Variants in MTBP observed in about 807,000 individuals in gnomAD.
MTBP encodes MDM2 binding protein.
A neutral mutation model predicts 117.0 loss-of-function variants in MTBP; 101 were observed. The observed-to-expected ratio is 0.86, with a 90% CI of 0.73 to 1.02. The LOEUF is 1.02. Ranked by LOEUF, MTBP falls within the 50% of genes least tolerant of loss-of-function variation. The pLI is 0.00. For missense variants in MTBP, 970 were observed against 1,030.9 expected, an observed-to-expected ratio of 0.94 and a Z score of 0.81; for synonymous variants, 350 against 351.5, an observed-to-expected ratio of 1.00 and a Z score of 0.05.
intron 20 of MTBP, among the ~76,000 whole-genome samples, chr8:120,519,804 G>T (rs1031236486): frequency 6.6e-6 from 1 of 152,068 alleles, no homozygotes; most frequent in Non-Finnish European, 1.5e-5. Context: ...GAGGGTCCAT[G>T]TAGAAAGCAG....
At position 120,506,709 on chromosome 8, in the gene MTBP, T is replaced by C. The variant is rs750733443; in HGVS notation, c.1731T>C (p.Thr577=). ...CTGCATAACATTATTTTCCCAGAACTGGTTCATTACCTCATTCATCTGAAC... is the reference window on the plus strand; with the variant it reads ...CTGCATAACATTATTTTCCCAGAACCGGTTCATTACCTCATTCATCTGAAC... ...TFEKTKQKMR[T]GSLPHSSEQL... is the part of the protein sequence containing the mutation. Residue 577 remains threonine (T), a synonymous_variant, in exon 16 of 22, where the codon ACT becomes ACC. Coordinates refer to ENST00000305949, the MANE Select transcript of MTBP (RefSeq NM_022045.5). 1 of 1,599,082 alleles carries C rather than the reference T, an allele frequency of 6.3e-7. No homozygotes were observed. Among genetic ancestry groups the C allele is most frequent in the East Asian group, 2.2e-5 (1 of 44,486 alleles).
chr8:120,521,214 T>C (rs922390683), intron 20 of MTBP, among the ~76,000 whole-genome samples: 1 of 152,132 alleles, frequency 6.6e-6, no homozygotes, highest in African/African-American at 2.4e-5. Context: ...TTATTGCCAG[T>C]ATTTAGGAGT....
rs919211756 is a variant in MTBP at position 120,482,138 on chromosome 8, G to T, written c.1166-6021G>T. On this transcript the variant is annotated intron_variant, in intron 11 of 21. Coordinates refer to ENST00000305949, the MANE Select transcript of MTBP (RefSeq NM_022045.5). ...GGTGGACCCAGGGTGTCAGTGGTTT[G>T]TTAGAGCATCCTTGGTGGTTCAAAT... Among the ~76,000 whole-genome samples the T allele has an allele frequency of 1.1e-4, 16 of 152,168 alleles. No individual in the cohort carries two copies. In the Middle Eastern group the frequency reaches 0.014, roughly 131 times the overall value.
intron 15 of MTBP, among the ~76,000 whole-genome samples, chr8:120,502,940 A>G (rs1388068131): frequency 5.9e-5 from 9 of 152,230 alleles, no homozygotes; most frequent in Admixed American, 5.9e-4. Context: ...AAAACAAAGT[A>G]GAAGTACTTG....
intron 7 of MTBP, 67 bp downstream of exon 7, chr8:120,456,737 TA>T: frequency 1.2e-6 from 1 of 813,066 alleles, no homozygotes; most frequent in South Asian, 1.5e-5. Flanking sequence ...GATATTTAAA[TA>T]AATCTTAATG....
chr8:120,487,189 T>A (rs1186673028), intron 11 of MTBP, among the ~76,000 whole-genome samples: 1 of 152,200 alleles, frequency 6.6e-6, no homozygotes, highest in Non-Finnish European at 1.5e-5. Flanking sequence ...GAATAAGGGA[T>A]CAGAAGGCCT....
rs1813210079 is a variant in MTBP at position 120,445,680 on chromosome 8, T to C, written c.118+92T>C. 6 of 1,003,674 alleles carry C rather than the reference T, an allele frequency of 6.0e-6. No homozygotes were observed. The East Asian group carries it at 1.5e-4, about 25-fold the overall frequency. 62.2% of individuals were successfully genotyped at this position (1,003,674 alleles called of 1,614,324 possible). ...TCAAGTTCTGCTGAAGAGGGATCAA[T>C]ATGTAGTTGTCCCACGAAGCTGGGA... On this transcript the variant is annotated intron_variant, in intron 1 of 21. Coordinates refer to ENST00000305949, the MANE Select transcript of MTBP (RefSeq NM_022045.5).
At chr8:120,459,191 T>G (rs766261523) in intron 7 of MTBP, 24 bp from the exon 8 acceptor site, 11 of 1,590,868 alleles carry the variant, frequency 6.9e-6, no homozygotes, top group African/African-American at 1.3e-5. Flanking sequence ...TACTTGTAAC[T>G]GTGTTTTCTT....
At chr8:120,460,972 T>C (rs1045186606) in intron 8 of MTBP, among the ~76,000 whole-genome samples, 189 bp from the exon 9 acceptor site, 4 of 152,202 alleles carry the variant, frequency 2.6e-5, no homozygotes, top group Non-Finnish European at 4.4e-5. Context: ...TGTCTGTTTC[T>C]GTACCCTGAA....
intron 15 of MTBP, 95 bp from the exon 16 acceptor site, chr8:120,506,608 ATCT>A (rs980853836): frequency 1.5e-5 from 14 of 940,270 alleles, no homozygotes; most frequent in East Asian, 8.6e-5. Flanking sequence ...TTCTGCTCAC[ATCT>A]TCTTTTCCCG....
Position 120,488,159 on chromosome 8 carries a change from T to A in MTBP, c.1166T>A (p.Val389Asp), listed in dbSNP as rs1307640251. 1 of 1,584,842 alleles carries A rather than the reference T, an allele frequency of 6.3e-7. No individual in the cohort carries two copies. Among genetic ancestry groups the A allele is most frequent in the East Asian group, 2.3e-5 (1 of 42,966 alleles). Residue 389 changes from valine (V) to aspartate (D), a missense_variant and splice_region_variant, in exon 12 of 22, where the codon GTT becomes GAT. Physicochemically the swap from Val to Asp is radical, Grantham distance 152 (BLOSUM62 -3). Transcript: ENST00000305949. ...YIAKKPKTIS[V>D]PDVEVKGECS... Reference sequence around the variant, plus strand: ...TAACAAGATAATTGTTTTTGTTTAGTTCCAGATGTTGAAGTGAAAGGAGAG... The same window carrying A: ...TAACAAGATAATTGTTTTTGTTTAGATCCAGATGTTGAAGTGAAAGGAGAG...
At chr8:120,449,207 T>C (rs891660092) in intron 2 of MTBP, among the ~76,000 whole-genome samples, 4 of 151,992 alleles carry the variant, frequency 2.6e-5, no homozygotes, top group Non-Finnish European at 5.9e-5. Context: ...TAGCGTTGAA[T>C]TGGTATGATG....
intron 10 of MTBP, among the ~76,000 whole-genome samples, chr8:120,467,234 T>C (rs757863333): frequency 6.6e-6 from 1 of 152,208 alleles, no homozygotes; most frequent in Non-Finnish European, 1.5e-5. Context: ...GAAATATTTC[T>C]TCAGAGAGAG....
intron 21 of MTBP, 126 bp from the exon 22 acceptor site, chr8:120,523,172 G>T: frequency 1.5e-6 from 1 of 672,362 alleles, no homozygotes; most frequent in Non-Finnish European, 2.6e-6. Context: ...TTAAGTATAA[G>T]ATTTCAGTAT....
chr8:120,492,874 AAATTT>A (rs1303495507), intron 13 of MTBP, among the ~76,000 whole-genome samples: 2 of 152,162 alleles, frequency 1.3e-5, no homozygotes, highest in African/African-American at 4.8e-5. Context: ...ATATTTTACC[AAATTT>A]GTTGGTAATT....
intron 13 of MTBP, among the ~76,000 whole-genome samples, chr8:120,494,388 C>G (rs188937342): frequency 1.8e-4 from 28 of 152,224 alleles, no homozygotes; most frequent in Admixed American, 1.8e-3. Context: ...CTATTTTTAT[C>G]AAAGTGATAC....
chr8:120,452,453 T>C (rs1257020008), intron 4 of MTBP: 2 of 152,182 alleles, frequency 1.3e-5, no homozygotes, highest in African/African-American at 4.8e-5. Context: ...CCATAAAGTA[T>C]TGAAGTACTT....
chr8:120,518,044 C>T lies in MTBP; in HGVS notation c.2440C>T (p.His814Tyr), dbSNP rs1814951547. The T allele has an allele frequency of 1.2e-6, 2 of 1,612,688 alleles. No homozygotes were observed. The highest frequency in any genetic ancestry group is 4.5e-5 in the East Asian group (2 of 44,846). The change falls in exon 19 of 22, where the codon CAT (histidine) becomes TAT (tyrosine). Residue 814 changes from histidine to tyrosine, a missense_variant. By Grantham distance (83) the His-to-Tyr change is moderately conservative. Coordinates refer to ENST00000305949, the MANE Select transcript of MTBP (RefSeq NM_022045.5). ...GACCAGTTCAGGTCAAAAAAGTATG[C>T]ATGAATCAAAAACATCAAGGCAAAT... ...TKTSSGQKSM[H>Y]ESKTSRQIKE...
Position 120,445,507 on chromosome 8 carries a change from G to C in MTBP, c.37G>C (p.Gly13Arg), listed in dbSNP as rs780022013. ...CCTGCTGCTGGTGATCTGGGGGGAA[G>C]GAAAATTCCCGTCGGCGGCCAGTAG... ...RYLLLVIWGE[G>R]KFPSAASREA... Residue 13 changes from glycine (G) to arginine (R), a missense_variant, in exon 1 of 22, where the codon GGA becomes CGA. By Grantham distance (125) the Gly-to-Arg change is moderately radical. Transcript: ENST00000305949. The C allele has an allele frequency of 1.9e-6, 3 of 1,613,598 alleles. 1 individual carries two copies. In the South Asian group the frequency reaches 3.3e-5, roughly 18 times the overall value.
Sources: gnomAD v4.1 joint callset for allele counts (sites outside exome capture counted in the v4.1 genomes callset) on GRCh38, gnomAD v4.1.1 for gene constraint, MANE v1.5 for transcripts, NCBI Gene and HGNC (gene_info 2026-07-23, HGNC 2026-07-21) for gene names.